Variants in HRG observed in about 807,000 individuals in gnomAD.
HRG encodes the protein histidine-rich glycoprotein.
Under a neutral mutation model 29.5 loss-of-function variants are expected in HRG, and 26 were observed. The ratio of observed to expected loss-of-function variants is 0.88; its 90% confidence interval spans 0.65 to 1.22. HRG has a LOEUF of 1.22. Ranked by LOEUF, HRG falls within the 50% of genes most tolerant of loss-of-function variation. The pLI is 0.00. For missense variants in HRG, 671 were observed against 654.5 expected (o/e 1.03, Z -0.28); for synonymous variants, 243 against 240.4 (o/e 1.01, Z -0.10).
intron 5 of HRG, chr3:186,674,632 A>G (rs1433335383): frequency 8.1e-6 from 2 of 246,152 alleles, no homozygotes; most frequent in Non-Finnish European, 1.6e-5. Flanking sequence ...TGCCTTGACA[A>G]TGTCCATGAA....
intron 1 of HRG, among the ~76,000 whole-genome samples, 189 bp downstream of exon 1, chr3:186,666,403 T>A (rs1213291601): frequency 2.6e-5 from 4 of 152,228 alleles, no homozygotes; most frequent in African/African-American, 9.6e-5. Context: ...TACCCGCAAC[T>A]ATGATTCGAT....
intron 1 of HRG, chr3:186,667,082 T>C (rs1433785221): frequency 6.6e-6 from 1 of 152,212 alleles, no homozygotes; most frequent in Admixed American, 6.5e-5. Context: ...GACAAAAGGC[T>C]GTAATCTAAG....
chr3:186,675,836 C>T (rs1196064740), intron 6 of HRG, among the ~76,000 whole-genome samples: 1 of 146,566 alleles, frequency 6.8e-6, no homozygotes, highest in Non-Finnish European at 1.5e-5. Flanking sequence ...GAACAAAGGG[C>T]AGGATTGTCA....
rs113195010 is a variant in HRG, at chr3:186,677,267, C to T, written c.962C>T (p.Pro321Leu). ...PLPQGPPPLL[P>L]MSCSSCQHAT... ...CCACAAGGCCCTCCTCCACTATTGCCCATGTCCTGCTCAAGTTGTCAACAT... is the reference window on the plus strand; with the variant it reads ...CCACAAGGCCCTCCTCCACTATTGCTCATGTCCTGCTCAAGTTGTCAACAT... The change falls in exon 7 of 7, where the codon CCC (proline) becomes CTC (leucine). Residue 321 changes from proline to leucine, a missense_variant. Physicochemically the swap from Pro to Leu is moderately conservative, Grantham distance 98. Transcript: ENST00000232003. The T allele has an allele frequency of 3.1e-3, 5,045 of 1,614,100 alleles. 132 individuals are homozygous for T. In the African/African-American group the frequency reaches 0.059, roughly 19 times the overall value.
chr3:186,670,086 A>C, intron 3 of HRG, 58 bp downstream of exon 3: 1 of 893,486 alleles, frequency 1.1e-6, no homozygotes, highest in Non-Finnish European at 1.9e-6. Flanking sequence ...TCAATCATAC[A>C]GTGGTATTTG....
At chr3:186,671,904 TG>T in intron 4 of HRG, 115 bp downstream of exon 4, 1 of 924,896 alleles carries the variant, frequency 1.1e-6, no homozygotes. Flanking sequence ...CCTTTTAATT[TG>T]TCACTTTTGA....
chr3:186,676,972 T>C lies in HRG; in HGVS notation c.742-75T>C, dbSNP rs1463244096. 13 of 1,543,542 alleles carry C rather than the reference T, an allele frequency of 8.4e-6. No homozygotes were observed. In the East Asian group the frequency reaches 2.9e-4, roughly 35 times the overall value. On this transcript the variant is annotated intron_variant, in intron 6 of 6. Transcript: ENST00000232003. ...GAATCTATGATCTGGGAGCCATTGG[T>C]GTAAATCAAGTCAAGTATCTAACAT...
rs547882409 is a variant in HRG, at chr3:186,675,225, C to A, written c.741+35C>A. 20 of 1,335,930 alleles carry A rather than the reference C, an allele frequency of 1.5e-5. 1 individual carries two copies. In the South Asian group the frequency reaches 2.1e-4, roughly 14 times the overall value. The allele number at this position is 1,335,930 out of a possible 1,614,324, so 82.8% of individuals were successfully genotyped here. A position where few individuals can be genotyped will look rare whatever the true frequency, so the allele number is the denominator to read the frequency against. ...CTAAGCAGACTTTGTCATGGCAGTG[C>A]CAGATTAAGTGACATACGTACACAA... On this transcript the variant is annotated intron_variant, in intron 6 of 6. Transcript: ENST00000232003.
rs771755701 is a variant in HRG, at chr3:186,672,841, A to G, written c.613A>G (p.Arg205Gly). 3.1e-6 allele frequency: 5 copies of G among 1,611,170 alleles called. No homozygotes were observed. The South Asian group carries it at 5.5e-5, about 18-fold the overall frequency. ...GGACTTCTCTGTGCGGAACTGCCCC[A>G]GACACCATTTCCCCAGACACCCCAA... Reference protein sequence around the residue: ...FVDFSVRNCPRHHFPRHPNVF... With the variant: ...FVDFSVRNCPGHHFPRHPNVF... The change falls in exon 5 of 7, where the codon AGA becomes GGA. Residue 205 changes from arginine to glycine, a missense_variant. By Grantham distance (125) the Arg-to-Gly change is moderately radical. Coordinates refer to ENST00000232003, the MANE Select transcript of HRG (RefSeq NM_000412.5).
At chr3:186,672,243 T>C (rs533697991) in intron 4 of HRG, among the ~76,000 whole-genome samples, 1 of 152,354 alleles carries the variant, frequency 6.6e-6, no homozygotes, top group East Asian at 1.9e-4. Context: ...GTAGAGCAAC[T>C]GGTTGACATT....
rs59016663 is a variant in HRG, at chr3:186,675,284, G to GGT, written c.741+118_741+119dup. 1.8e-3 allele frequency: 956 copies of GGT among 534,826 alleles called. 8 individuals carry two copies. In the African/African-American group the frequency reaches 0.018, roughly 10 times the overall value. 33.1% of individuals were successfully genotyped at this position (534,826 alleles called of 1,614,324 possible). On this transcript the variant is annotated intron_variant, in intron 6 of 6. Coordinates refer to ENST00000232003, the MANE Select transcript of HRG (RefSeq NM_000412.5). ...GTTGCTTCCTAAAGCTCTATGAGTG[G>GGT]GTGTGTGTGTGTGTGTGTGTGTGTG...
intron 6 of HRG, among the ~76,000 whole-genome samples, chr3:186,675,559 T>C (rs1308600153): frequency 2.0e-5 from 3 of 152,180 alleles, no homozygotes; most frequent in Non-Finnish European, 4.4e-5. Context: ...TTGAAAATGC[T>C]CTTTGTAGTC....
rs765072941 is a variant in HRG at position 186,677,225 on chromosome 3, C to T, written c.920C>T (p.Ser307Leu). The change falls in exon 7 of 7, where the codon TCA becomes TTA. Residue 307 changes from serine to leucine, a missense_variant. By Grantham distance (145) the Ser-to-Leu change is moderately radical. Coordinates refer to ENST00000232003, the MANE Select transcript of HRG (RefSeq NM_000412.5). ...PPPPPDERDH[S>L]HGPPLPQGPP... ...CCTCCTCCAGATGAAAGAGATCACT[C>T]ACATGGACCCCCACTTCCACAAGGC... 1 of 1,614,020 alleles carries T rather than the reference C, an allele frequency of 6.2e-7. No individual in the cohort carries two copies. The highest frequency in any genetic ancestry group is 1.7e-5 in the Admixed American group (1 of 60,012).
chr3:186,670,265 A>G (rs575023544), intron 3 of HRG, among the ~76,000 whole-genome samples: 1 of 152,266 alleles, frequency 6.6e-6, no homozygotes, highest in East Asian at 1.9e-4. Context: ...GAAATTCAAC[A>G]CATAAAAATA....
chr3:186,671,600 A>G (rs1718794967), intron 3 of HRG, 23 bp from the exon 4 acceptor site: 5 of 1,611,736 alleles, frequency 3.1e-6, no homozygotes, highest in Non-Finnish European at 4.2e-6. Flanking sequence ...CTTTACTGTG[A>G]CACTGCTATC....
chr3:186,671,497 A>G, intron 3 of HRG, 126 bp from the exon 4 acceptor site: 1 of 937,584 alleles, frequency 1.1e-6, no homozygotes, highest in Non-Finnish European at 1.8e-6. Flanking sequence ...ATCTTGAAGC[A>G]GTTACTCAGC....
intron 3 of HRG, among the ~76,000 whole-genome samples, chr3:186,670,520 T>G (rs1456543218): frequency 5.3e-5 from 8 of 152,168 alleles, no homozygotes; most frequent in Admixed American, 5.2e-4. Flanking sequence ...CCAGGAGTAT[T>G]AACTCTAAAT....
At chr3:186,675,294 T>TGAGAGA (rs1176053587) in intron 6 of HRG, 104 bp downstream of exon 6, 10 of 563,864 alleles carry the variant, frequency 1.8e-5, no homozygotes, top group African/African-American at 1.4e-4. Context: ...GGTGTGTGTG[T>TGAGAGA]GTGTGTGTGT....
intron 5 of HRG, 118 bp downstream of exon 5, chr3:186,672,985 G>T (rs1362134895): frequency 6.6e-6 from 5 of 755,542 alleles, no homozygotes; most frequent in South Asian, 2.9e-5. Context: ...GAATGAGAAG[G>T]AGAAAATGAG....
Sources: allele counts gnomAD v4.1 joint callset (sites outside exome capture counted in the v4.1 genomes callset), GRCh38; gene constraint gnomAD v4.1.1; transcripts MANE v1.5; gene names NCBI Gene and HGNC (gene_info 2026-07-23, HGNC 2026-07-21).